ZNF536: variants seen among roughly 807,000 people sequenced by gnomAD.
The protein encoded by ZNF536 is zinc finger protein 536.
A neutral mutation model predicts 84.5 loss-of-function variants in ZNF536; 13 were observed. The ratio of observed to expected loss-of-function variants is 0.15; its 90% CI spans 0.10 to 0.24. The LOEUF is 0.24. Among genes scored for constraint, ZNF536 ranks in the 10% least tolerant of loss-of-function variants. The pLI is 1.00. For missense variants in ZNF536, 1,536 were observed against 1,747.5 expected (o/e 0.88, Z 2.16); for synonymous variants, 811 against 742.5 (o/e 1.09, Z -1.50).
intron 1 of ZNF536, among the ~76,000 whole-genome samples, chr19:30,380,604 A>G (rs767217150): frequency 6.6e-6 from 1 of 152,196 alleles, no homozygotes; most frequent in East Asian, 1.9e-4. Flanking sequence ...AGGAAAACCC[A>G]GCTGTGGCAT....
At chr19:30,240,183 A>G (rs932221358) in intron 1 of ZNF536, among the ~76,000 whole-genome samples, 1 of 152,108 alleles carries the variant, frequency 6.6e-6, no homozygotes, top group Non-Finnish European at 1.5e-5. Flanking sequence ...AGCCTGGCCA[A>G]CATGATGAAA....
intron 1 of ZNF536, among the ~76,000 whole-genome samples, chr19:30,643,630 C>T (rs1324259066): frequency 6.6e-6 from 1 of 152,082 alleles, no homozygotes; most frequent in East Asian, 1.9e-4. Context: ...CTCTGGGGTT[C>T]TGCCAGCTAT....
chr19:30,402,809 A>ATATATATATATATATATATATATATATG (rs2050106090), intron 1 of ZNF536, among the ~76,000 whole-genome samples: 1 of 140,256 alleles, frequency 7.1e-6, no homozygotes, highest in Non-Finnish European at 1.6e-5. Context: ...ATATATATAT[A>ATATATATATATATATATATATATATATG]TATATATATA....
chr19:30,372,742 C>T (rs190493925), intron 1 of ZNF536, among the ~76,000 whole-genome samples, 186 bp downstream of exon 1: 5 of 152,188 alleles, frequency 3.3e-5, no homozygotes, highest in African/African-American at 1.2e-4. Flanking sequence ...AAAATTATAG[C>T]CCTTTAAATT....
intron 2 of ZNF536, among the ~76,000 whole-genome samples, chr19:30,506,972 T>C (rs1407649887): frequency 6.6e-6 from 1 of 152,228 alleles, no homozygotes; most frequent in Non-Finnish European, 1.5e-5. Context: ...TAAATATCTT[T>C]TCATTTTCAC....
intron 1 of ZNF536, among the ~76,000 whole-genome samples, chr19:30,406,921 T>C (rs2050283167): frequency 1.3e-5 from 2 of 152,118 alleles, no homozygotes; most frequent in African/African-American, 4.8e-5. Flanking sequence ...ATCCACAGAG[T>C]AGACAGAGGG....
At chr19:30,260,801 G>A (rs1352468490) in intron 1 of ZNF536, among the ~76,000 whole-genome samples, 1 of 152,122 alleles carries the variant, frequency 6.6e-6, no homozygotes, top group African/African-American at 2.4e-5. Context: ...GCAAATGTGT[G>A]GGCATGGCCT....
chr19:30,321,422 G>T (rs544247124), intron 2 of ZNF536, among the ~76,000 whole-genome samples: 2 of 152,246 alleles, frequency 1.3e-5, no homozygotes, highest in Admixed American at 6.5e-5. Context: ...GCCAGGCATG[G>T]TGACATGTGC....
At chr19:30,515,261 C>T (rs1442129379) in intron 2 of ZNF536, among the ~76,000 whole-genome samples, 2 of 152,196 alleles carry the variant, frequency 1.3e-5, no homozygotes, top group East Asian at 3.9e-4. Flanking sequence ...GACCCTGTCT[C>T]AAAAAATAAC....
chr19:30,539,374 A>C (rs1317159992), intron 3 of ZNF536, among the ~76,000 whole-genome samples: 1 of 152,188 alleles, frequency 6.6e-6, no homozygotes, highest in African/African-American at 2.4e-5. Flanking sequence ...GGATTGGACA[A>C]GGTGCACCCA....
At chr19:30,666,464 C>G (rs1031741776) in intron 1 of ZNF536, among the ~76,000 whole-genome samples, 1 of 152,074 alleles carries the variant, frequency 6.6e-6, no homozygotes, top group African/African-American at 2.4e-5. Context: ...GGGATCCCGG[C>G]AGGCACTGGC....
In ZNF536 at chr19:30,541,427, TAA is replaced by T. The variant is rs1197315356; in HGVS notation, c.2323+6429_2323+6430del. On this transcript the variant is annotated intron_variant, in intron 3 of 4. Coordinates refer to ENST00000355537, the MANE Select transcript of ZNF536 (RefSeq NM_014717.3). ...AAAAAAAAAAATCTCCAAAAGGAGA[TAA>T]GTCTTTTTTTCTTTTTGTTTTGAAT... is the stretch of plus-strand genomic sequence containing the variant. 5.3e-5 allele frequency among the ~76,000 whole-genome samples: 8 copies of T among 151,506 alleles called. No homozygotes were observed. In the South Asian group the frequency reaches 1.0e-3, roughly 20 times the overall value.
intron 4 of ZNF536, chr19:30,556,881 G>A: frequency 3.0e-6 from 1 of 338,708 alleles, no homozygotes; most frequent in East Asian, 4.2e-5. Flanking sequence ...TTTGGTTTCG[G>A]ATGTTGTGTG....
At chr19:30,294,549 A>ATG (rs55972417) in intron 2 of ZNF536, among the ~76,000 whole-genome samples, 56,417 of 144,778 alleles carry the variant, frequency 0.39, 11,224 homozygotes, top group Non-Finnish European at 0.46. Context: ...AGGCCCCAAT[A>ATG]TGTGTGTGTG....
chr19:30,663,708 A>G (rs1355368366), intron 1 of ZNF536, among the ~76,000 whole-genome samples: 2 of 152,244 alleles, frequency 1.3e-5, no homozygotes, highest in Non-Finnish European at 2.9e-5. Flanking sequence ...GCAAGGTTTT[A>G]CAGCAGACTG....
intron 1 of ZNF536, among the ~76,000 whole-genome samples, chr19:30,427,934 TA>T (rs1199826328): frequency 2.0e-5 from 3 of 152,206 alleles, no homozygotes; most frequent in Non-Finnish European, 4.4e-5. Flanking sequence ...GGAACCTTGC[TA>T]TTGTTTTGAT....
Position 30,384,354 on chromosome 19 carries a change from C to T in ZNF536, c.-3+11798C>T, listed in dbSNP as rs551806894. 8.2e-3 allele frequency among the ~76,000 whole-genome samples: 922 copies of T among 112,100 alleles called. 23 individuals carry two copies. The highest frequency in any genetic ancestry group is 0.031 in the African/African-American group (884 of 28,486). The allele number at this position is 112,100 out of a possible 152,430, so 73.5% of individuals were successfully genotyped here. A position where few individuals can be genotyped will look rare whatever the true frequency, so the allele number is the denominator to read the frequency against. ...CCCTCCCCTCCCCTCCCCTTCCCTT[C>T]CCTTCCTTCCTTTCTTTCTTTCCCA... On this transcript the variant is annotated intron_variant, in intron 1 of 4. Coordinates refer to ENST00000355537, the MANE Select transcript of ZNF536 (RefSeq NM_014717.3).
downstream of ZNF536, among the ~76,000 whole-genome samples, chr19:30,562,104 C>T (rs577161891): frequency 3.9e-5 from 6 of 152,294 alleles, 1 homozygote; most frequent in East Asian, 1.9e-4. Context: ...AGATAACTCA[C>T]GTGTCCTCTT....
chr19:30,656,081 A>G (rs1038823161), intron 1 of ZNF536, among the ~76,000 whole-genome samples: 36 of 151,916 alleles, frequency 2.4e-4, no homozygotes, highest in Admixed American at 6.6e-4. Context: ...TGACATCTGC[A>G]TGTATTTGAG....
Sources: gnomAD v4.1 joint callset for allele counts (sites outside exome capture counted in the v4.1 genomes callset) on GRCh38, gnomAD v4.1.1 for gene constraint, MANE v1.5 for transcripts, NCBI Gene and HGNC (gene_info 2026-07-23, HGNC 2026-07-21) for gene names.